The following TMC1 variants were observed in gnomAD, a reference collection of about 807,000 sequenced individuals.
TMC1 encodes transmembrane channel like 1.
TMC1 carries 84 observed loss-of-function variants against 105.8 expected under a neutral mutation model. The observed-to-expected ratio is 0.79, with a 90% CI of 0.67 to 0.95. TMC1 has a LOEUF of 0.95. Among genes scored for constraint, TMC1 ranks in the 40% least tolerant of loss-of-function variants. The pLI is 0.00. For missense variants in TMC1, 817 were observed against 914.1 expected (o/e 0.89, Z 1.37); for synonymous variants, 315 against 311.5 (o/e 1.01, Z -0.12).
intron 11 of TMC1, among the ~76,000 whole-genome samples, chr9:72,752,970 A>G (rs1827606442): frequency 6.6e-6 from 1 of 152,222 alleles, no homozygotes; most frequent in African/African-American, 2.4e-5. Flanking sequence ...ACTGTAGAAG[A>G]CATTTTCTTC....
At chr9:72,671,317 C>T (rs888742942) in intron 5 of TMC1, among the ~76,000 whole-genome samples, 1 of 152,194 alleles carries the variant, frequency 6.6e-6, no homozygotes, top group Non-Finnish European at 1.5e-5. Flanking sequence ...GCACCTCTCA[C>T]ATGAGGGACT....
At chr9:72,546,872 C>G (rs527719497) in intron 1 of TMC1, among the ~76,000 whole-genome samples, 2 of 152,312 alleles carry the variant, frequency 1.3e-5, no homozygotes, top group South Asian at 4.1e-4. Context: ...AAAGTTGGTA[C>G]TCATTTCTTA....
chr9:72,813,621 C>T (rs1828738425), intron 18 of TMC1, among the ~76,000 whole-genome samples: 1 of 152,108 alleles, frequency 6.6e-6, no homozygotes, highest in Non-Finnish European at 1.5e-5. Flanking sequence ...TGTTTTAGTA[C>T]CAGTCATAGA....
chr9:72,633,106 G>A (rs1825476966), intron 4 of TMC1, among the ~76,000 whole-genome samples: 1 of 152,080 alleles, frequency 6.6e-6, no homozygotes, highest in Non-Finnish European at 1.5e-5. Flanking sequence ...TGAACAATGA[G>A]AATGTTAACA....
intron 8 of TMC1, among the ~76,000 whole-genome samples, chr9:72,735,849 G>A (rs1202068147): frequency 6.6e-6 from 1 of 152,116 alleles, no homozygotes; most frequent in African/African-American, 2.4e-5. Context: ...AAATATTCTT[G>A]GTCCACCTTC....
intron 1 of TMC1, chr9:72,577,656 T>C (rs879518794): frequency 1.3e-5 from 2 of 152,104 alleles, no homozygotes; most frequent in African/African-American, 2.4e-5. Context: ...CTTGCAAAAC[T>C]GGTTCACCAG....
At position 72,837,113 on chromosome 9, in the gene TMC1, G is replaced by A. The variant is rs78825354; in HGVS notation, c.*1140G>A. 0.031 allele frequency: 4,740 copies of A among 152,284 alleles called. 94 individuals carry two copies. The highest frequency in any genetic ancestry group is 0.048 in the Non-Finnish European group (3,291 of 68,130). 9.4% of individuals were successfully genotyped at this position (152,284 alleles called of 1,614,324 possible). On this transcript the variant is annotated 3_prime_UTR_variant, in exon 24 of 24. Coordinates refer to ENST00000297784, the MANE Select transcript of TMC1 (RefSeq NM_138691.3). ...CTGTCCGTGTGGATGGTGGCCTGCC[G>A]GCAGTTGGAAGGAGCTATGTGTACA...
At chr9:72,689,266 C>T (rs1663747) in intron 6 of TMC1, among the ~76,000 whole-genome samples, 76,884 of 147,110 alleles carry the variant, frequency 0.52, 20,742 homozygotes, top group African/African-American at 0.73. Flanking sequence ...GGGGCAGGGA[C>T]CCTCTTTGGA....
At chr9:72,666,450 T>A (rs142348687) in intron 5 of TMC1, among the ~76,000 whole-genome samples, 27 of 152,340 alleles carry the variant, frequency 1.8e-4, no homozygotes, top group Admixed American at 5.2e-4. Context: ...ACTTTGCTAA[T>A]GTTATTCCTT....
intron 3 of TMC1, among the ~76,000 whole-genome samples, chr9:72,619,747 C>T (rs1825208364): frequency 6.6e-6 from 1 of 151,776 alleles, no homozygotes; most frequent in East Asian, 1.9e-4. Flanking sequence ...ATAGACAATG[C>T]TTGTACCTGT....
chr9:72,735,919 T>C (rs1827290605), intron 8 of TMC1, among the ~76,000 whole-genome samples: 2 of 152,208 alleles, frequency 1.3e-5, no homozygotes, highest in Non-Finnish European at 2.9e-5. Context: ...AGTCTAGTAA[T>C]TCTGTCTTCA....
intron 4 of TMC1, among the ~76,000 whole-genome samples, chr9:72,640,210 G>A (rs1194925937): frequency 6.6e-6 from 1 of 152,196 alleles, no homozygotes; most frequent in Non-Finnish European, 1.5e-5. Flanking sequence ...TAGTTAGGAT[G>A]ACCACTTGTC....
intron 23 of TMC1, among the ~76,000 whole-genome samples, 170 bp from the exon 24 acceptor site, chr9:72,835,781 A>G (rs1051163663): frequency 6.6e-6 from 1 of 152,162 alleles, no homozygotes; most frequent in African/African-American, 2.4e-5. Flanking sequence ...TTGAACATTA[A>G]AATGGTAAAT....
chr9:72,816,328 C>T, intron 19 of TMC1, 118 bp downstream of exon 19: 1 of 1,009,828 alleles, frequency 9.9e-7, no homozygotes, highest in Non-Finnish European at 1.6e-6. Context: ...TCCATATTTA[C>T]TTTTGCAAAG....
intron 1 of TMC1, among the ~76,000 whole-genome samples, chr9:72,571,849 T>C (rs1045665452): frequency 4.0e-5 from 6 of 151,806 alleles, no homozygotes; most frequent in African/African-American, 1.5e-4. Flanking sequence ...GCTTACTTTT[T>C]TTTTTTGATG....
At chr9:72,768,137 G>A (rs1176597179) in intron 12 of TMC1, among the ~76,000 whole-genome samples, 1 of 152,182 alleles carries the variant, frequency 6.6e-6, no homozygotes, top group Admixed American at 6.5e-5. Context: ...GGCATACTAT[G>A]TAGCCATAAA....
chr9:72,720,065 A>G (rs1032958794), intron 8 of TMC1, among the ~76,000 whole-genome samples: 1 of 152,248 alleles, frequency 6.6e-6, no homozygotes, highest in Non-Finnish European at 1.5e-5. Context: ...CAAGCATGTA[A>G]CATGGTACCT....
chr9:72,833,665 C>T (rs1829076861), intron 23 of TMC1, among the ~76,000 whole-genome samples: 2 of 152,014 alleles, frequency 1.3e-5, no homozygotes, highest in Non-Finnish European at 2.9e-5. Flanking sequence ...TTCTCTTACT[C>T]TCCCTTTTGA....
chr9:72,658,053 C>T (rs1825909693), intron 5 of TMC1, among the ~76,000 whole-genome samples: 1 of 152,104 alleles, frequency 6.6e-6, no homozygotes, highest in African/African-American at 2.4e-5. Context: ...TCCTCATATC[C>T]TCTTGTGTTT....
Sources: gnomAD v4.1 joint callset for allele counts (sites outside exome capture counted in the v4.1 genomes callset) on GRCh38, gnomAD v4.1.1 for gene constraint, MANE v1.5 for transcripts, NCBI Gene and HGNC (gene_info 2026-07-23, HGNC 2026-07-21) for gene names.